Variants in VSIG10 observed in about 807,000 individuals in gnomAD.
VSIG10 encodes the protein V-set and immunoglobulin domain containing 10.
In VSIG10, 48 loss-of-function variants were observed where a neutral mutation model predicts 58.7. That is an observed-to-expected ratio of 0.82 (90% CI 0.65 to 1.04). The LOEUF (loss-of-function observed/expected upper bound fraction) is 1.04, where lower values mean the gene tolerates loss of function less well. Ranked by LOEUF, VSIG10 falls within the 50% of genes least tolerant of loss-of-function variation. VSIG10 has a pLI of 0.00. For missense variants in VSIG10, 628 were observed against 670.0 expected (o/e 0.94, Z 0.69); for synonymous variants, 260 against 267.1 (o/e 0.97, Z 0.26).
intron 4 of VSIG10, among the ~76,000 whole-genome samples, chr12:118,076,368 CTTT>C (rs57070820): frequency 3.6e-5 from 5 of 139,548 alleles, no homozygotes; most frequent in African/African-American, 2.6e-5. Flanking sequence ...TGCACGGTCC[CTTT>C]TTTTTTTTTT....
At chr12:118,093,948 A>C (rs2033372455) in intron 2 of VSIG10, among the ~76,000 whole-genome samples, 1 of 152,078 alleles carries the variant, frequency 6.6e-6, no homozygotes, top group African/African-American at 2.4e-5. Flanking sequence ...AATAGATAAG[A>C]GTGCTCGCTA....
rs745779565 is a variant in VSIG10, at chr12:118,073,900, CAGG to C, written c.1015_1017del (p.Pro339del). 2 of 1,613,770 alleles carry C rather than the reference CAGG, an allele frequency of 1.2e-6. No homozygotes were observed. Among genetic ancestry groups the C allele is most frequent in the Non-Finnish European group, 1.7e-6 (2 of 1,179,738 alleles). On this transcript the variant is annotated inframe_deletion, in exon 5 of 9. Transcript: ENST00000359236. Reference sequence around the variant, plus strand: ...AGGTTCCTCAGCCACAGGATCTTGGCAGGGGGGTAGGCCCCAGACACCTGGCAT... The same window carrying C: ...AGGTTCCTCAGCCACAGGATCTTGGCGGGGTAGGCCCCAGACACCTGGCAT...
intron 2 of VSIG10, among the ~76,000 whole-genome samples, chr12:118,084,601 C>T (rs1228359879): frequency 1.3e-5 from 2 of 152,146 alleles, no homozygotes; most frequent in Non-Finnish European, 2.9e-5. Context: ...CTTGGCAGGC[C>T]AGGCACGGTG....
intron 2 of VSIG10, among the ~76,000 whole-genome samples, chr12:118,089,937 AAC>A (rs2033243648): frequency 6.6e-6 from 1 of 152,126 alleles, no homozygotes; most frequent in Non-Finnish European, 1.5e-5. Context: ...CTTGATACCA[AAC>A]ACATACATTT....
At chr12:118,099,105 G>A (rs867096330) in intron 1 of VSIG10, among the ~76,000 whole-genome samples, 27 of 151,716 alleles carry the variant, frequency 1.8e-4, no homozygotes, top group Middle Eastern at 3.2e-3. Context: ...ACAGGTGTCC[G>A]GGTGTGAGTG....
intron 8 of VSIG10, among the ~76,000 whole-genome samples, chr12:118,067,602 T>C (rs2137825574): frequency 6.6e-6 from 1 of 152,030 alleles, no homozygotes; most frequent in South Asian, 2.1e-4. Context: ...TAGCTGGGAT[T>C]ACAGGCACCT....
chr12:118,090,840 G>A (rs1191257553), intron 2 of VSIG10, among the ~76,000 whole-genome samples: 3 of 151,976 alleles, frequency 2.0e-5, no homozygotes, highest in Admixed American at 1.3e-4. Flanking sequence ...CAGTTTAAAT[G>A]TCACTACTTC....
intron 1 of VSIG10, chr12:118,101,646 C>T (rs2033625890): frequency 1.3e-5 from 2 of 152,058 alleles, no homozygotes. Context: ...GCAACTTTTC[C>T]CAAGAATAAC....
chr12:118,072,192 G>A (rs1286476965), intron 5 of VSIG10, among the ~76,000 whole-genome samples: 9 of 151,676 alleles, frequency 5.9e-5, no homozygotes, highest in South Asian at 2.1e-4. Flanking sequence ...AGGGCCGGGC[G>A]CGGTGGCTCA....
At chr12:118,100,226 C>T (rs896535875) in intron 1 of VSIG10, among the ~76,000 whole-genome samples, 1 of 152,106 alleles carries the variant, frequency 6.6e-6, no homozygotes, top group Non-Finnish European at 1.5e-5. Context: ...GCTGAATGGC[C>T]GGGCGTGGTG....
intron 8 of VSIG10, among the ~76,000 whole-genome samples, chr12:118,067,087 C>A (rs1264499052): frequency 6.6e-6 from 1 of 152,130 alleles, no homozygotes; most frequent in Non-Finnish European, 1.5e-5. Flanking sequence ...TGCAGTGGCA[C>A]GATCTCATCT....
intron 1 of VSIG10, 40 bp from the exon 2 acceptor site, chr12:118,095,854 T>A: frequency 6.4e-7 from 1 of 1,563,236 alleles, no homozygotes; most frequent in Non-Finnish European, 8.7e-7. Flanking sequence ...CCCTTCTTAA[T>A]TTCTAAACAA....
At position 118,088,138 on chromosome 12, in the gene VSIG10, G is replaced by A. The variant is rs144325196; in HGVS notation, c.362-5709C>T. On this transcript the variant is annotated intron_variant, in intron 2 of 8. Transcript: ENST00000359236. ...CGCACGCCTGTAATCCCAGCTACTC[G>A]GGAACCTAAGGCAGGAGAATCACCT... Among the ~76,000 whole-genome samples, 677 of 151,686 alleles carry A rather than the reference G, an allele frequency of 4.5e-3. 2 individuals carry two copies. Among genetic ancestry groups the A allele is most frequent in the Middle Eastern group, 6.8e-3 (2 of 294 alleles).
chr12:118,078,906 T>A (rs942290406), intron 4 of VSIG10, among the ~76,000 whole-genome samples: 1 of 121,294 alleles, frequency 8.2e-6, no homozygotes, highest in Non-Finnish European at 1.6e-5. Flanking sequence ...GCCACTGCAC[T>A]CCAGTCTGGG....
rs745812029 is a variant in VSIG10 at position 118,073,825 on chromosome 12, G to T, written c.1093C>A (p.Gln365Lys). The T allele has an allele frequency of 6.2e-7, 1 of 1,613,978 alleles. No homozygotes were observed. Among genetic ancestry groups the T allele is most frequent in the South Asian group, 1.1e-5 (1 of 91,082 alleles). Residue 365 changes from glutamine to lysine, a missense_variant, in exon 5 of 9, where the codon CAG becomes AAG. Gln to Lys is a moderately conservative substitution (Grantham distance 53). Coordinates refer to ENST00000359236, the MANE Select transcript of VSIG10 (RefSeq NM_019086.6). ...IQPSSRHLIT[Q>K]DGQNSTLTIH... Reference sequence around the variant, plus strand: ...GTGAGGGTGGAGTTCTGGCCATCCTGGGTAATGAGATGGCGGCTGCTAGGC... The same window carrying T: ...GTGAGGGTGGAGTTCTGGCCATCCTTGGTAATGAGATGGCGGCTGCTAGGC...
chr12:118,097,443 C>T (rs1348636274), intron 1 of VSIG10, among the ~76,000 whole-genome samples: 3 of 151,914 alleles, frequency 2.0e-5, no homozygotes, highest in Non-Finnish European at 4.4e-5. Flanking sequence ...GGTGAAACCC[C>T]GTCTCTGCTA....
At position 118,064,818 on chromosome 12, in the gene VSIG10, C is replaced by A. The variant is rs2032194687; in HGVS notation, c.*1821G>T. The A allele has an allele frequency of 1.3e-5, 2 of 152,148 alleles. No individual in the cohort carries two copies. The highest frequency in any genetic ancestry group is 4.1e-4 in the South Asian group (2 of 4,832). The allele number at this position is 152,148 out of a possible 1,614,324, so 9.4% of individuals were successfully genotyped here. On this transcript the variant is annotated 3_prime_UTR_variant, in exon 9 of 9. Coordinates refer to ENST00000359236, the MANE Select transcript of VSIG10 (RefSeq NM_019086.6). ...TAATCCCTTCATCCAAGAAAACAGACCTTCCCCAACCACACCTGCAGGGTT... is the reference window on the plus strand; with the variant it reads ...TAATCCCTTCATCCAAGAAAACAGAACTTCCCCAACCACACCTGCAGGGTT...
At chr12:118,071,962 G>C (rs976560251) in intron 5 of VSIG10, among the ~76,000 whole-genome samples, 1 of 152,154 alleles carries the variant, frequency 6.6e-6, no homozygotes, top group Non-Finnish European at 1.5e-5. Context: ...CTGAAGTCGG[G>C]AGATCGAGAC....
rs1350769883 is a variant in VSIG10, at chr12:118,095,628, T to C, written c.266A>G (p.His89Arg). ...ATCTCCCAGGCTCAGCGATTCAATGTGCAGGGAGGTGGCATCCACTAGAGA... is the reference window on the plus strand; with the variant it reads ...ATCTCCCAGGCTCAGCGATTCAATGCGCAGGGAGGTGGCATCCACTAGAGA... ...RFSLVDATSLHIESLSLGDEG... is the reference protein window; with the variant it reads ...RFSLVDATSLRIESLSLGDEG... The change falls in exon 2 of 9, where the codon CAC (histidine) becomes CGC (arginine). Residue 89 changes from histidine to arginine, a missense_variant. Coordinates refer to ENST00000359236, the MANE Select transcript of VSIG10 (RefSeq NM_019086.6). 2 of 1,613,856 alleles carry C rather than the reference T, an allele frequency of 1.2e-6. No individual in the cohort carries two copies. Among genetic ancestry groups the C allele is most frequent in the Admixed American group, 1.7e-5 (1 of 59,976 alleles).
Sources: gnomAD v4.1 joint callset for allele counts (sites outside exome capture counted in the v4.1 genomes callset) on GRCh38, gnomAD v4.1.1 for gene constraint, MANE v1.5 for transcripts, NCBI Gene and HGNC (gene_info 2026-07-23, HGNC 2026-07-21) for gene names.